Variants in CDK14 observed in about 807,000 individuals in gnomAD.
CDK14 encodes cyclin dependent kinase 14.
A neutral mutation model predicts 60.7 loss-of-function variants in CDK14; 34 were observed. That is an observed-to-expected ratio of 0.56 (90% CI 0.43 to 0.75). The LOEUF is 0.75. Ranked by LOEUF, CDK14 falls within the 30% of genes least tolerant of loss-of-function variation. CDK14 has a pLI of 0.00. For missense variants in CDK14, 482 were observed against 564.1 expected (o/e 0.85, Z 1.47); for synonymous variants, 197 against 203.7 (o/e 0.97, Z 0.28).
chr7:91,035,751 T>C (rs955487102), intron 10 of CDK14, among the ~76,000 whole-genome samples: 14 of 151,990 alleles, frequency 9.2e-5, no homozygotes, highest in African/African-American at 3.1e-4. Flanking sequence ...AAAAATGTAG[T>C]GACTAAGGCA....
intron 2 of CDK14, among the ~76,000 whole-genome samples, chr7:90,608,953 A>G (rs1799478648): frequency 6.6e-6 from 1 of 152,190 alleles, no homozygotes; most frequent in Admixed American, 6.5e-5. Flanking sequence ...GCACAATGAT[A>G]TTGGCTTCTA....
intron 14 of CDK14, among the ~76,000 whole-genome samples, chr7:91,201,076 A>G (rs535848501): frequency 6.6e-6 from 1 of 152,300 alleles, no homozygotes; most frequent in Admixed American, 6.5e-5. Context: ...TTGCGTGCCT[A>G]TCTTTAAATG....
chr7:91,109,516 C>T (rs115821935), intron 12 of CDK14, among the ~76,000 whole-genome samples: 5,413 of 151,884 alleles, frequency 0.036, 130 homozygotes, highest in South Asian at 0.1. Context: ...TAAAATAAAC[C>T]CAATCCAAAA....
chr7:91,071,542 A>G (rs891245381), intron 11 of CDK14, among the ~76,000 whole-genome samples: 1 of 152,198 alleles, frequency 6.6e-6, no homozygotes, highest in Admixed American at 6.5e-5. Context: ...GGATCGGAAG[A>G]TCCCACTCAT....
chr7:91,190,551 A>G (rs556405670), intron 14 of CDK14, among the ~76,000 whole-genome samples: 2 of 152,272 alleles, frequency 1.3e-5, no homozygotes, highest in Admixed American at 6.5e-5. Flanking sequence ...GTGCAGTGGC[A>G]TGATCTCAGC....
chr7:91,062,154 G>T (rs966025285), intron 11 of CDK14, among the ~76,000 whole-genome samples: 1 of 152,134 alleles, frequency 6.6e-6, no homozygotes, highest in East Asian at 1.9e-4. Flanking sequence ...TCAGACTGCT[G>T]TGCTAGCAAT....
At chr7:90,910,552 T>C (rs1205417917) in intron 7 of CDK14, among the ~76,000 whole-genome samples, 1 of 152,208 alleles carries the variant, frequency 6.6e-6, no homozygotes, top group Non-Finnish European at 1.5e-5. Context: ...CTATTTGAAG[T>C]ATTTATTATT....
intron 8 of CDK14, among the ~76,000 whole-genome samples, chr7:90,942,978 GT>G (rs918708491): frequency 2.6e-5 from 4 of 151,360 alleles, no homozygotes; most frequent in East Asian, 1.9e-4. Context: ...GCCTGTCAAG[GT>G]TTTTTTTTAA....
At chr7:91,150,509 C>T (rs1800801458) in intron 14 of CDK14, among the ~76,000 whole-genome samples, 1 of 152,084 alleles carries the variant, frequency 6.6e-6, no homozygotes, top group Non-Finnish European at 1.5e-5. Context: ...TGTGTTTCTA[C>T]ATGTGTTCAC....
intron 14 of CDK14, among the ~76,000 whole-genome samples, chr7:91,119,788 G>C (rs1453919011): frequency 6.6e-6 from 1 of 152,168 alleles, no homozygotes; most frequent in Non-Finnish European, 1.5e-5. Context: ...GATAAAGTAT[G>C]ATGTATAAAT....
At chr7:90,950,296 G>C (rs1394479096) in intron 8 of CDK14, among the ~76,000 whole-genome samples, 1 of 151,990 alleles carries the variant, frequency 6.6e-6, no homozygotes, top group South Asian at 2.1e-4. Context: ...GGCTGGTCTT[G>C]ATCTCCTTCA....
At chr7:90,672,493 T>G (rs183740494) in intron 2 of CDK14, among the ~76,000 whole-genome samples, 34 of 142,612 alleles carry the variant, frequency 2.4e-4, no homozygotes, top group East Asian at 6.3e-4. Flanking sequence ...CATCAGTGCT[T>G]CTTCTTCTGT....
intron 5 of CDK14, among the ~76,000 whole-genome samples, chr7:90,808,169 T>C (rs1788938620): frequency 6.6e-6 from 1 of 152,108 alleles, no homozygotes. Flanking sequence ...ATTGTCAGGT[T>C]CACCAAAGTT....
At chr7:90,690,890 A>G (rs1386677707) in intron 2 of CDK14, among the ~76,000 whole-genome samples, 1 of 152,196 alleles carries the variant, frequency 6.6e-6, no homozygotes, top group African/African-American at 2.4e-5. Context: ...ATTCATTTTG[A>G]CAAAGATTAC....
intron 5 of CDK14, among the ~76,000 whole-genome samples, chr7:90,805,446 A>G (rs1182311851): frequency 6.6e-6 from 1 of 152,052 alleles, no homozygotes; most frequent in Non-Finnish European, 1.5e-5. Context: ...ACACACACAC[A>G]CACACACAGC....
intron 12 of CDK14, among the ~76,000 whole-genome samples, chr7:91,089,933 C>T (rs1334350193): frequency 6.6e-6 from 1 of 152,094 alleles, no homozygotes; most frequent in Admixed American, 6.6e-5. Context: ...CAAGCTGTAC[C>T]TATAGTTCTA....
At chr7:90,743,751 CTATT>C (rs1278220895) in intron 3 of CDK14, among the ~76,000 whole-genome samples, 1 of 151,946 alleles carries the variant, frequency 6.6e-6, no homozygotes, top group Non-Finnish European at 1.5e-5. Flanking sequence ...TTAATTTAAT[CTATT>C]TATTGTTTTG....
intron 9 of CDK14, among the ~76,000 whole-genome samples, chr7:90,973,556 G>A (rs1370322759): frequency 6.6e-6 from 1 of 152,038 alleles, no homozygotes; most frequent in Non-Finnish European, 1.5e-5. Flanking sequence ...TTTATCGGGG[G>A]GACCAGCCCA....
intron 2 of CDK14, among the ~76,000 whole-genome samples, chr7:90,605,744 G>T (rs367583235): frequency 6.6e-6 from 1 of 151,998 alleles, no homozygotes; most frequent in Admixed American, 6.6e-5. Context: ...TTCTTTCTCC[G>T]TGTTTTAAAA....
Sources: gnomAD v4.1 joint callset for allele counts (sites outside exome capture counted in the v4.1 genomes callset) on GRCh38, gnomAD v4.1.1 for gene constraint, MANE v1.5 for transcripts, NCBI Gene and HGNC (gene_info 2026-07-23, HGNC 2026-07-21) for gene names.